The following COX6A2 variants were observed in gnomAD, a reference collection of about 807,000 sequenced individuals.
COX6A2 encodes cytochrome c oxidase subunit 6A2, mitochondrial.
Under a neutral mutation model 7.2 loss-of-function variants are expected in COX6A2, and 5 were observed. That is an observed-to-expected ratio of 0.69 (90% CI 0.36 to 1.45). The LOEUF (loss-of-function observed/expected upper bound fraction) is 1.45. Among genes scored for constraint, COX6A2 ranks in the 40% most tolerant of loss-of-function variants. COX6A2 has a pLI of 0.03. For missense variants in COX6A2, 174 were observed against 137.7 expected (o/e 1.26, Z -1.32); for synonymous variants, 63 against 55.9 (o/e 1.13, Z -0.56).
chr16:31,427,840 G>C lies in COX6A2; in HGVS notation c.228C>G (p.Asp76Glu). The C allele has an allele frequency of 7.1e-7, 1 of 1,410,376 alleles. No homozygotes were observed. The highest frequency in any genetic ancestry group is 9.3e-7 in the Non-Finnish European group (1 of 1,078,828). The allele number at this position is 1,410,376 out of a possible 1,614,324, so 87.4% of individuals were successfully genotyped here. ...TATTGTGGAACAGAGTGTGGTTGCC[G>C]TCCCCCCAGGGGTAGGGCTGTGGAG... ...RIRTKPYPWG[D>E]GNHTLFHNSH... is the part of the protein sequence containing the mutation. Residue 76 changes from aspartate to glutamate, a missense_variant, in exon 3 of 3, where the codon GAC becomes GAG. Coordinates refer to ENST00000287490, the MANE Select transcript of COX6A2 (RefSeq NM_005205.4).
intron 2 of COX6A2, 44 bp downstream of exon 2, chr16:31,427,971 C>G (rs2082151159): frequency 2.8e-6 from 3 of 1,077,542 alleles, no homozygotes; most frequent in Non-Finnish European, 3.5e-6. Context: ...CCCCCCCCCG[C>G]CCCCGCAGCA....
At position 31,428,099 on chromosome 16, in the gene COX6A2, G is replaced by A. The variant is rs1439063764; in HGVS notation, c.126C>T (p.Leu42=). The change falls in exon 2 of 3, where the codon CTC becomes CTT. Residue 42 remains leucine, a synonymous_variant. Transcript: ENST00000287490. ...TFVLALPSVA[L]CTFNSYLHSG... is the part of the protein sequence containing the mutation. ...AGTGGAGATAGGAGTTGAAGGTGCA[G>A]AGGGCCACGCTGGGCAGCGCCAGCA... 6.4e-7 allele frequency: 1 copy of A among 1,563,518 alleles called. No homozygotes were observed. The highest frequency in any genetic ancestry group is 2.4e-5 in the East Asian group (1 of 41,692).
rs868488221 is a variant in COX6A2, at chr16:31,428,118, G to T, written c.107C>A (p.Ala36Glu). The T allele has an allele frequency of 1.3e-6, 2 of 1,571,278 alleles. No homozygotes were observed. The highest frequency in any genetic ancestry group is 1.4e-5 in the African/African-American group (1 of 73,862). ...GGTGCAGAGGGCCACGCTGGGCAGC[G>T]CCAGCACGAAGGTCAGCAGACGCCA... is the stretch of plus-strand genomic sequence containing the variant. Reference protein sequence around the residue: ...RTWRLLTFVLALPSVALCTFN... With the variant: ...RTWRLLTFVLELPSVALCTFN... Residue 36 changes from alanine (A) to glutamate (E), a missense_variant, in exon 2 of 3, where the codon GCG (alanine) becomes GAG (glutamate). Ala to Glu is a moderately radical substitution (Grantham distance 107). Coordinates refer to ENST00000287490, the MANE Select transcript of COX6A2 (RefSeq NM_005205.4).
chr16:31,427,734 A>G lies in COX6A2; in HGVS notation c.*40T>C, dbSNP rs1597176179. ...CCCTCCCCACAGAGCCGCAGACTCG[A>G]AGCTTCACACCTTTATTGTGTCCGG... On this transcript the variant is annotated 3_prime_UTR_variant, in exon 3 of 3. Coordinates refer to ENST00000287490, the MANE Select transcript of COX6A2 (RefSeq NM_005205.4). The G allele has an allele frequency of 1.5e-6, 2 of 1,329,306 alleles. No individual in the cohort carries two copies. Among genetic ancestry groups the G allele is most frequent in the Non-Finnish European group, 1.9e-6 (2 of 1,027,932 alleles). The allele number at this position is 1,329,306 out of a possible 1,614,324, so 82.3% of individuals were successfully genotyped here.
rs896692275 is a variant in COX6A2, at chr16:31,427,829, G to A, written c.239C>T (p.Thr80Ile). The A allele has an allele frequency of 2.9e-6, 4 of 1,402,940 alleles. No homozygotes were observed. The highest frequency in any genetic ancestry group is 5.9e-5 in the Admixed American group (2 of 33,766). The allele number at this position is 1,402,940 out of a possible 1,614,324, so 86.9% of individuals were successfully genotyped here. A position where few individuals can be genotyped will look rare whatever the true frequency, so the allele number is the denominator to read the frequency against. Residue 80 changes from threonine (T) to isoleucine (I), a missense_variant, in exon 3 of 3, where the codon ACT becomes ATT. By Grantham distance (89) the Thr-to-Ile change is moderately conservative. Transcript: ENST00000287490. Reference protein sequence around the residue: ...KPYPWGDGNHTLFHNSHVNPL... With the variant: ...KPYPWGDGNHILFHNSHVNPL... Reference sequence around the variant, plus strand: ...GTTCACGTGGCTATTGTGGAACAGAGTGTGGTTGCCGTCCCCCCAGGGGTA... The same window carrying A: ...GTTCACGTGGCTATTGTGGAACAGAATGTGGTTGCCGTCCCCCCAGGGGTA...
In COX6A2 at chr16:31,427,752, G is replaced by GC; in HGVS notation, c.*21_*22insG. On this transcript the variant is annotated 3_prime_UTR_variant, in exon 3 of 3. Transcript: ENST00000287490. ...AGACTCGAAGCTTCACACCTTTATT[G>GC]TGTCCGGGGGCGTCCGGGGCCTCAG... is the stretch of plus-strand genomic sequence containing the variant. 7.2e-7 allele frequency: 1 copy of GC among 1,381,054 alleles called. No individual in the cohort carries two copies. The allele number at this position is 1,381,054 out of a possible 1,614,324, so 85.5% of individuals were successfully genotyped here.
chr16:31,428,033 G>A lies in COX6A2; in HGVS notation c.192C>T (p.His64=), dbSNP rs1282025044. The A allele has an allele frequency of 6.6e-7, 1 of 1,526,596 alleles. No individual in the cohort carries two copies. The highest frequency in any genetic ancestry group is 2.0e-5 in the Admixed American group (1 of 48,804). 94.6% of individuals were successfully genotyped at this position (1,526,596 alleles called of 1,614,324 possible). A position where few individuals can be genotyped will look rare whatever the true frequency, so the allele number is the denominator to read the frequency against. ...RPRPEFRPYQ[H]LRIRTKPYPW... is the part of the protein sequence containing the mutation. Reference sequence around the variant, plus strand: ...CGCGTACCTTGGTGCGGATGCGGAGGTGTTGGTAGGGACGGAACTCGGGGC... The same window carrying A: ...CGCGTACCTTGGTGCGGATGCGGAGATGTTGGTAGGGACGGAACTCGGGGC... The change falls in exon 2 of 3, where the codon CAC becomes CAT. Residue 64 remains histidine (H), a synonymous_variant. Transcript: ENST00000287490.
intron 1 of COX6A2, 46 bp downstream of exon 1, chr16:31,428,207 G>A: frequency 6.5e-7 from 1 of 1,548,970 alleles, no homozygotes; most frequent in African/African-American, 1.4e-5. Context: ...CTGTGAACAG[G>A]TGGGCAGGGT....
chr16:31,428,053 C>T lies in COX6A2; in HGVS notation c.172G>A (p.Glu58Lys). 1.3e-6 allele frequency: 2 copies of T among 1,542,064 alleles called. No homozygotes were observed. Among genetic ancestry groups the T allele is most frequent in the East Asian group, 2.5e-5 (1 of 40,400 alleles). Residue 58 changes from glutamate (E) to lysine (K), a missense_variant, in exon 2 of 3, where the codon GAG (glutamate) becomes AAG (lysine). Coordinates refer to ENST00000287490, the MANE Select transcript of COX6A2 (RefSeq NM_005205.4). Reference sequence around the variant, plus strand: ...CGGAGGTGTTGGTAGGGACGGAACTCGGGGCGCGGGCGGTGGCCCGAGTGG... The same window carrying T: ...CGGAGGTGTTGGTAGGGACGGAACTTGGGGCGCGGGCGGTGGCCCGAGTGG... Reference protein sequence around the residue: ...YLHSGHRPRPEFRPYQHLRIR... With the variant: ...YLHSGHRPRPKFRPYQHLRIR...
Position 31,428,352 on chromosome 16 carries a change from G to T in COX6A2, c.-27C>A. 1 of 1,567,132 alleles carries T rather than the reference G, an allele frequency of 6.4e-7. No individual in the cohort carries two copies. Among genetic ancestry groups the T allele is most frequent in the Non-Finnish European group, 8.7e-7 (1 of 1,155,906 alleles). ...ATGGTGCGGGGAGCCGGGAACCAGC[G>T]CTGTCCTCGCTCCCTTTCCTGGGGC... On this transcript the variant is annotated 5_prime_UTR_variant, in exon 1 of 3. Coordinates refer to ENST00000287490, the MANE Select transcript of COX6A2 (RefSeq NM_005205.4).
In COX6A2 at chr16:31,427,812, G is replaced by T; in HGVS notation, c.256C>A (p.His86Asn). The change falls in exon 3 of 3, where the codon CAC (histidine) becomes AAC (asparagine). Residue 86 changes from histidine (H) to asparagine (N), a missense_variant. By Grantham distance (68) the His-to-Asn change is moderately conservative. Coordinates refer to ENST00000287490, the MANE Select transcript of COX6A2 (RefSeq NM_005205.4). ...TAGCCCGTGGGCAGAGGGTTCACGT[G>T]GCTATTGTGGAACAGAGTGTGGTTG... is the stretch of plus-strand genomic sequence containing the variant. ...DGNHTLFHNS[H>N]VNPLPTGYEH... The T allele has an allele frequency of 7.1e-7, 1 of 1,414,840 alleles. No homozygotes were observed. Among genetic ancestry groups the T allele is most frequent in the Non-Finnish European group, 9.2e-7 (1 of 1,081,368 alleles). The allele number at this position is 1,414,840 out of a possible 1,614,324, so 87.6% of individuals were successfully genotyped here.
chr16:31,428,077 G>C lies in COX6A2; in HGVS notation c.148C>G (p.His50Asp). The change falls in exon 2 of 3, where the codon CAC becomes GAC. Residue 50 changes from histidine (H) to aspartate (D), a missense_variant. Physicochemically the swap from His to Asp is moderately conservative, Grantham distance 81. Coordinates refer to ENST00000287490, the MANE Select transcript of COX6A2 (RefSeq NM_005205.4). Reference protein sequence around the residue: ...VALCTFNSYLHSGHRPRPEFR... With the variant: ...VALCTFNSYLDSGHRPRPEFR... Reference sequence around the variant, plus strand: ...TCGGGGCGCGGGCGGTGGCCCGAGTGGAGATAGGAGTTGAAGGTGCAGAGG... The same window carrying C: ...TCGGGGCGCGGGCGGTGGCCCGAGTCGAGATAGGAGTTGAAGGTGCAGAGG... 1.3e-6 allele frequency: 2 copies of C among 1,553,754 alleles called. No homozygotes were observed. The highest frequency in any genetic ancestry group is 1.7e-6 in the Non-Finnish European group (2 of 1,150,444).
chr16:31,428,349 A>T lies in COX6A2; in HGVS notation c.-24T>A. ...ATGATGGTGCGGGGAGCCGGGAACC[A>T]GCGCTGTCCTCGCTCCCTTTCCTGG... On this transcript the variant is annotated 5_prime_UTR_variant, in exon 1 of 3. Transcript: ENST00000287490. 6.3e-7 allele frequency: 1 copy of T among 1,577,570 alleles called. No homozygotes were observed. The highest frequency in any genetic ancestry group is 1.4e-5 in the African/African-American group (1 of 74,032).
intron 1 of COX6A2, 34 bp from the exon 2 acceptor site, chr16:31,428,185 G>C (rs1421624175): frequency 1.3e-6 from 2 of 1,553,216 alleles, no homozygotes; most frequent in African/African-American, 2.7e-5. Context: ...CGGCGGTCCT[G>C]GGGCGGCGGG....
intron 2 of COX6A2, 47 bp downstream of exon 2, chr16:31,427,968 C>T (rs1258944028): frequency 3.2e-6 from 3 of 944,966 alleles, no homozygotes; most frequent in Admixed American, 4.9e-5. Flanking sequence ...GCACCCCCCC[C>T]CGCCCCCGCA....
At chr16:31,427,949 GCCCC>G in intron 2 of COX6A2, 62 bp downstream of exon 2, 1 of 14,848 alleles carries the variant, frequency 6.7e-5, no homozygotes, top group Non-Finnish European at 8.7e-5. Context: ...ACCCCCCCCC[GCCCC>G]CGCAGCACCC....
chr16:31,427,922 G>GCCCCGCGCGC lies in COX6A2; in HGVS notation c.211-66_211-65insGCGCGCGGGG, dbSNP rs1491104024. 105 of 206,498 alleles carry GCCCCGCGCGC rather than the reference G, an allele frequency of 5.1e-4. 6 individuals are homozygous for GCCCCGCGCGC. The highest frequency in any genetic ancestry group is 1.8e-3 in the Middle Eastern group (1 of 554). The allele number at this position is 206,498 out of a possible 1,614,324, so 12.8% of individuals were successfully genotyped here. Reference sequence around the variant, plus strand: ...TGAGTCCGGAGTCCGCGCCCCGCGCGACCCCCCCCCCGCAGCACCCCCCCC... The same window carrying GCCCCGCGCGC: ...TGAGTCCGGAGTCCGCGCCCCGCGCGCCCCGCGCGCACCCCCCCCCCGCAGCACCCCCCCC... On this transcript the variant is annotated intron_variant, in intron 2 of 2. Transcript: ENST00000287490.
Position 31,428,285 on chromosome 16 carries a change from C to A in COX6A2, c.41G>T (p.Ser14Ile). Residue 14 changes from serine (S) to isoleucine (I), a missense_variant, in exon 1 of 3, where the codon AGC (serine) becomes ATC (isoleucine). Ser to Ile is a moderately radical substitution (Grantham distance 142). Transcript: ENST00000287490. Reference protein sequence around the residue: ...PLRPLTRGLASAAKGGHGGAG... With the variant: ...PLRPLTRGLAIAAKGGHGGAG... ...TCCTCCGTGGCCTCCTTTGGCAGCGCTGGCCAAGCCCCGGGTCAGGGGCCT... is the reference window on the plus strand; with the variant it reads ...TCCTCCGTGGCCTCCTTTGGCAGCGATGGCCAAGCCCCGGGTCAGGGGCCT... 1 of 1,606,250 alleles carries A rather than the reference C, an allele frequency of 6.2e-7. No homozygotes were observed. The highest frequency in any genetic ancestry group is 1.7e-5 in the Admixed American group (1 of 59,130).
At chr16:31,427,984 C>T (rs1239861415) in intron 2 of COX6A2, 31 bp downstream of exon 2, 3 of 1,289,702 alleles carry the variant, frequency 2.3e-6, no homozygotes, top group East Asian at 3.4e-5. Context: ...CCGCAGCACC[C>T]CCGTGCCGCC....
Sources: allele counts gnomAD v4.1 joint callset, GRCh38; gene constraint gnomAD v4.1.1; transcripts MANE v1.5; gene names NCBI Gene and HGNC (gene_info 2026-07-23, HGNC 2026-07-21).